PRKCB: variants seen among roughly 807,000 people sequenced by gnomAD.
PRKCB encodes protein kinase C beta type.
A neutral mutation model predicts 81.5 loss-of-function variants in PRKCB; 13 were observed. The ratio of observed to expected loss-of-function variants is 0.16; its 90% CI spans 0.10 to 0.25. PRKCB has a LOEUF of 0.25. Among genes scored for constraint, PRKCB ranks in the 10% least tolerant of loss-of-function variants. PRKCB has a pLI of 1.00. For missense variants in PRKCB, 509 were observed against 875.7 expected (o/e 0.58, Z 5.29); for synonymous variants, 335 against 321.4 (o/e 1.04, Z -0.45).
chr16:23,849,730 ATAAT>A (rs1567289196), intron 2 of PRKCB, among the ~76,000 whole-genome samples: 1 of 152,212 alleles, frequency 6.6e-6, no homozygotes, highest in Non-Finnish European at 1.5e-5. Flanking sequence ...TTGACAAATC[ATAAT>A]TGATGGGGTA....
intron 16 of PRKCB, among the ~76,000 whole-genome samples, chr16:24,199,297 G>A (rs1366496080): frequency 6.6e-6 from 1 of 152,172 alleles, no homozygotes; most frequent in Non-Finnish European, 1.5e-5. Flanking sequence ...ATGTAGCTGA[G>A]GTCAAAAGCT....
chr16:24,049,170 T>C (rs1356485084), intron 5 of PRKCB, among the ~76,000 whole-genome samples: 2 of 144,860 alleles, frequency 1.4e-5, no homozygotes, highest in Admixed American at 7.2e-5. Flanking sequence ...AGACTTTCTC[T>C]CCAAACCTCC....
intron 7 of PRKCB, among the ~76,000 whole-genome samples, chr16:24,100,247 T>G (rs1966488804): frequency 6.6e-6 from 1 of 151,752 alleles, no homozygotes; most frequent in African/African-American, 2.4e-5. Flanking sequence ...TTTAAGGTTT[T>G]TCTTAGATCC....
At chr16:23,845,911 T>C (rs551317334) in intron 2 of PRKCB, among the ~76,000 whole-genome samples, 8 of 152,242 alleles carry the variant, frequency 5.3e-5, no homozygotes, top group African/African-American at 1.9e-4. Context: ...TCTGGGCCAA[T>C]AGATTGAAAA....
At chr16:24,139,474 A>G (rs1406203977) in intron 9 of PRKCB, among the ~76,000 whole-genome samples, 2 of 152,176 alleles carry the variant, frequency 1.3e-5, no homozygotes, top group African/African-American at 4.8e-5. Context: ...CCTTTCTAGC[A>G]GTCACTGTGA....
chr16:23,927,040 T>TA, intron 2 of PRKCB, among the ~76,000 whole-genome samples: 1 of 152,314 alleles, frequency 6.6e-6, no homozygotes, highest in Middle Eastern at 3.4e-3. Context: ...CCTCTGCTAT[T>TA]ACCAAAATTA....
At chr16:24,199,205 T>C (rs1967921298) in intron 16 of PRKCB, among the ~76,000 whole-genome samples, 1 of 152,220 alleles carries the variant, frequency 6.6e-6, no homozygotes, top group South Asian at 2.1e-4. Context: ...TCTGAGAGTC[T>C]AAATGCTGAA....
At chr16:23,891,824 A>C (rs537773818) in intron 2 of PRKCB, among the ~76,000 whole-genome samples, 1 of 152,344 alleles carries the variant, frequency 6.6e-6, no homozygotes, top group African/African-American at 2.4e-5. Context: ...TTTGTCCATC[A>C]CATTGACGCA....
At chr16:24,087,136 G>A (rs778834645) in intron 5 of PRKCB, among the ~76,000 whole-genome samples, 1 of 152,034 alleles carries the variant, frequency 6.6e-6, no homozygotes, top group Non-Finnish European at 1.5e-5. Context: ...TATTTCCCAA[G>A]AACAAAAATA....
At chr16:24,192,190 A>G (rs1426814631) in intron 16 of PRKCB, among the ~76,000 whole-genome samples, 2 of 152,250 alleles carry the variant, frequency 1.3e-5, no homozygotes, top group Admixed American at 1.3e-4. Context: ...TAGGCACGTA[A>G]TGATAATAGT....
At chr16:23,908,897 G>C (rs550114756) in intron 2 of PRKCB, among the ~76,000 whole-genome samples, 3 of 152,334 alleles carry the variant, frequency 2.0e-5, no homozygotes, top group African/African-American at 7.2e-5. Flanking sequence ...AAAAGGAAGA[G>C]AGTGAAGAAC....
At chr16:24,019,229 G>A (rs532222005) in intron 3 of PRKCB, among the ~76,000 whole-genome samples, 4 of 148,432 alleles carry the variant, frequency 2.7e-5, no homozygotes, top group South Asian at 2.1e-4. Flanking sequence ...GACTTTCCCC[G>A]GTTACTCAGG....
At chr16:24,174,659 T>C in intron 12 of PRKCB, 79 bp downstream of exon 12, 1 of 1,332,422 alleles carries the variant, frequency 7.5e-7, no homozygotes, top group Non-Finnish European at 1.1e-6. Flanking sequence ...TCAGCTGCTT[T>C]TAAAATTAGA....
intron 3 of PRKCB, among the ~76,000 whole-genome samples, chr16:24,014,524 C>A (rs56886642): frequency 0.015 from 2,341 of 152,290 alleles, 53 homozygotes; most frequent in African/African-American, 0.054. Context: ...GAGACCAGAC[C>A]ATGGCAGTGA....
chr16:23,978,039 A>T (rs1458121088), intron 2 of PRKCB, among the ~76,000 whole-genome samples: 3 of 152,172 alleles, frequency 2.0e-5, no homozygotes, highest in African/African-American at 7.2e-5. Flanking sequence ...TGGTGGTCTT[A>T]TCTCCATTCT....
chr16:24,217,413 T>C lies in PRKCB; in HGVS notation c.*2597T>C. 1 of 985,354 alleles carries C rather than the reference T, an allele frequency of 1.0e-6. No homozygotes were observed. Among genetic ancestry groups the C allele is most frequent in the African/African-American group, 1.7e-5 (1 of 57,334 alleles). 61.0% of individuals were successfully genotyped at this position (985,354 alleles called of 1,614,324 possible). A position where few individuals can be genotyped will look rare whatever the true frequency, so the allele number is the denominator to read the frequency against. On this transcript the variant is annotated 3_prime_UTR_variant, in exon 17 of 17. Transcript: ENST00000643927. ...GACAGGGCCATAGCAACAAGGACCT[T>C]CTTGGGGGATTAATGGGAGGTCAGT...
At chr16:24,153,021 C>A (rs1407667682) in intron 9 of PRKCB, among the ~76,000 whole-genome samples, 1 of 152,194 alleles carries the variant, frequency 6.6e-6, no homozygotes, top group Non-Finnish European at 1.5e-5. Context: ...ATGCTGTGAG[C>A]TGGCAAGCTC....
At chr16:24,165,131 C>T (rs1410560406) in intron 10 of PRKCB, among the ~76,000 whole-genome samples, 2 of 152,342 alleles carry the variant, frequency 1.3e-5, no homozygotes, top group East Asian at 3.9e-4. Flanking sequence ...GCCTTGACCT[C>T]CTGGGCACAA....
chr16:23,922,977 C>CG (rs1963847930), intron 2 of PRKCB, among the ~76,000 whole-genome samples: 1 of 152,038 alleles, frequency 6.6e-6, no homozygotes, highest in African/African-American at 2.4e-5. Flanking sequence ...TTTAGAGTTA[C>CG]CTTTTTTTCC....
Sources: allele counts gnomAD v4.1 joint callset (sites outside exome capture counted in the v4.1 genomes callset), GRCh38; gene constraint gnomAD v4.1.1; transcripts MANE v1.5; gene names NCBI Gene and HGNC (gene_info 2026-07-23, HGNC 2026-07-21).